The following NSG1 variants were observed in gnomAD, a reference collection of about 807,000 sequenced individuals.
The protein encoded by NSG1 is neuronal vesicle trafficking-associated protein 1.
NSG1 carries 9 observed loss-of-function variants against 19.3 expected under a neutral mutation model. The ratio of observed to expected loss-of-function variants is 0.47; its 90% CI spans 0.28 to 0.81. NSG1 has a LOEUF of 0.81. Among genes scored for constraint, NSG1 ranks in the 40% least tolerant of loss-of-function variants. The pLI, the probability that NSG1 is intolerant of heterozygous loss-of-function variation, is 0.11. For synonymous variants in NSG1, 104 were observed against 107.0 expected (o/e 0.97, Z 0.17); for missense variants, 236 against 242.4 (o/e 0.97, Z 0.18).
chr4:4,387,561 C>CGGGGGTGGGTGG, intron 1 of NSG1, 43 bp from the exon 2 acceptor site: 4 of 1,141,990 alleles, frequency 3.5e-6, no homozygotes, highest in East Asian at 2.7e-5. Flanking sequence ...CGCCCCGCCC[C>CGGGGGTGGGTGG]GGGTCTTGCT....
intron 4 of NSG1, chr4:4,416,033 T>C: frequency 4.3e-6 from 3 of 698,348 alleles, no homozygotes; most frequent in Non-Finnish European, 7.8e-6. Flanking sequence ...TGGTGTCTTT[T>C]GGCTTTCTTT....
At chr4:4,394,217 G>A (rs944984804) in intron 3 of NSG1, among the ~76,000 whole-genome samples, 3 of 152,154 alleles carry the variant, frequency 2.0e-5, no homozygotes, top group African/African-American at 7.2e-5. Context: ...CGCCATCGCT[G>A]TTGAGCCATT....
chr4:4,391,619 C>T (rs1406524603), intron 3 of NSG1, 28 bp downstream of exon 3: 1 of 1,470,612 alleles, frequency 6.8e-7, no homozygotes, highest in Non-Finnish European at 9.4e-7. Flanking sequence ...GGGTGAGATG[C>T]TGCTTTTGCC....
At chr4:4,416,482 C>G in intron 4 of NSG1, among the ~76,000 whole-genome samples, 1 of 152,148 alleles carries the variant, frequency 6.6e-6, no homozygotes, top group East Asian at 1.9e-4. Flanking sequence ...GCCTTAAGCC[C>G]GTGGAGGTGA....
chr4:4,402,008 G>C (rs1476081948), intron 3 of NSG1, among the ~76,000 whole-genome samples: 1 of 150,988 alleles, frequency 6.6e-6, no homozygotes, highest in Non-Finnish European at 1.5e-5. Context: ...AGCCTCCTGA[G>C]CAGCTGGGAC....
At chr4:4,397,038 TC>T (rs1723289813) in intron 3 of NSG1, among the ~76,000 whole-genome samples, 1 of 105,678 alleles carries the variant, frequency 9.5e-6, no homozygotes, top group Admixed American at 1.0e-4. Context: ...GGTTCAGTCA[TC>T]TGTGTGTGTG....
intron 4 of NSG1, among the ~76,000 whole-genome samples, chr4:4,412,095 G>A (rs1394656227): frequency 6.6e-6 from 1 of 152,206 alleles, no homozygotes; most frequent in African/African-American, 2.4e-5. Flanking sequence ...CAGGCGACAG[G>A]AGGTTTCAGC....
rs1180201153 is a variant in NSG1 at position 4,409,510 on chromosome 4, G to GGTGTGT, written c.247-56_247-51dup. On this transcript the variant is annotated intron_variant, in intron 3 of 4. Coordinates refer to ENST00000621129, the MANE Select transcript of NSG1 (RefSeq NM_014392.5). Reference sequence around the variant, plus strand: ...GTGTGGGGGGGGGCCTTCGTGTGCGGGTGTGTGTGTGTCTGTCCTGCTGCC... The same window carrying GGTGTGT: ...GTGTGGGGGGGGGCCTTCGTGTGCGGGTGTGTGTGTGTGTGTGTCTGTCCTGCTGCC... 5.0e-6 allele frequency: 6 copies of GGTGTGT among 1,208,288 alleles called. No individual in the cohort carries two copies. The African/African-American group carries it at 9.0e-5, about 18-fold the overall frequency. The allele number at this position is 1,208,288 out of a possible 1,614,324, so 74.8% of individuals were successfully genotyped here. A position where few individuals can be genotyped will look rare whatever the true frequency, so the allele number is the denominator to read the frequency against.
intron 3 of NSG1, among the ~76,000 whole-genome samples, chr4:4,403,461 T>C (rs1723679238): frequency 6.6e-6 from 1 of 152,198 alleles, no homozygotes; most frequent in Non-Finnish European, 1.5e-5. Context: ...TTCAAGCTTC[T>C]CTCTGCTCTT....
In NSG1 at chr4:4,390,415, G is replaced by A. The variant is rs113988366; in HGVS notation, c.130-1060G>A. Among the ~76,000 whole-genome samples, 111 of 152,340 alleles carry A rather than the reference G, an allele frequency of 7.3e-4. No individual in the cohort carries two copies. In the Middle Eastern group the frequency reaches 0.01, roughly 14 times the overall value. On this transcript the variant is annotated intron_variant, in intron 2 of 4. Coordinates refer to ENST00000621129, the MANE Select transcript of NSG1 (RefSeq NM_014392.5). ...CTTTCTCCCCAAGGCTGGCTTTGGGGGTCGTAGCACCGGATGAGAGGCCCT... is the reference window on the plus strand; with the variant it reads ...CTTTCTCCCCAAGGCTGGCTTTGGGAGTCGTAGCACCGGATGAGAGGCCCT...
chr4:4,403,319 C>T (rs963847540), intron 3 of NSG1, among the ~76,000 whole-genome samples: 5 of 152,222 alleles, frequency 3.3e-5, no homozygotes, highest in African/African-American at 1.2e-4. Context: ...GCACCAAAAT[C>T]AAGGGGTGTG....
intron 4 of NSG1, chr4:4,416,024 G>A (rs1284190182): frequency 1.4e-6 from 1 of 695,422 alleles, no homozygotes; most frequent in Non-Finnish European, 2.6e-6. Flanking sequence ...GTACTTCAGT[G>A]GTGTCTTTTG....
chr4:4,389,803 C>T (rs1046288075), intron 2 of NSG1, among the ~76,000 whole-genome samples: 1 of 152,172 alleles, frequency 6.6e-6, no homozygotes. Flanking sequence ...AGTCACAGTG[C>T]TGGCAGCAGA....
intron 3 of NSG1, among the ~76,000 whole-genome samples, chr4:4,391,801 A>G (rs372499479): frequency 2.0e-5 from 3 of 152,328 alleles, no homozygotes; most frequent in East Asian, 3.9e-4. Flanking sequence ...TTCCAAAATG[A>G]TCACATATTA....
intron 3 of NSG1, among the ~76,000 whole-genome samples, chr4:4,398,347 C>A (rs1723376032): frequency 6.6e-6 from 1 of 152,156 alleles, no homozygotes; most frequent in Non-Finnish European, 1.5e-5. Context: ...CCATTTAATA[C>A]ATTCACCATG....
upstream of NSG1, chr4:4,386,639 C>T (rs1391201230): frequency 3.9e-5 from 6 of 153,140 alleles, no homozygotes; most frequent in Non-Finnish European, 7.3e-5. Context: ...CCTCAGGACC[C>T]CCAGGTGAGC....
intron 4 of NSG1, among the ~76,000 whole-genome samples, chr4:4,416,341 C>T (rs971801563): frequency 1.4e-4 from 21 of 152,328 alleles, no homozygotes; most frequent in African/African-American, 4.8e-4. Flanking sequence ...TTGAAAATAG[C>T]TCTTTGTTCA....
chr4:4,394,698 T>C (rs1258881009), intron 3 of NSG1, among the ~76,000 whole-genome samples: 1 of 152,234 alleles, frequency 6.6e-6, no homozygotes, highest in African/African-American at 2.4e-5. Flanking sequence ...CTCCTTGATA[T>C]CATCTCTCTG....
intron 4 of NSG1, among the ~76,000 whole-genome samples, chr4:4,412,238 C>T (rs867547125): frequency 6.6e-6 from 1 of 152,218 alleles, no homozygotes; most frequent in Middle Eastern, 3.4e-3. Flanking sequence ...ACTGCCTTCC[C>T]TATCCTGCAA....
Sources: gnomAD v4.1 joint callset for allele counts (sites outside exome capture counted in the v4.1 genomes callset) on GRCh38, gnomAD v4.1.1 for gene constraint, MANE v1.5 for transcripts, NCBI Gene and HGNC (gene_info 2026-07-23, HGNC 2026-07-21) for gene names.